Variants in CLCN1 observed in about 807,000 individuals in gnomAD.
The protein encoded by CLCN1 is chloride channel protein 1.
A neutral mutation model predicts 114.5 loss-of-function variants in CLCN1; 100 were observed. The observed-to-expected ratio is 0.87, with a 90% CI of 0.74 to 1.03. The LOEUF is 1.03. Ranked by LOEUF, CLCN1 falls within the 50% of genes least tolerant of loss-of-function variation. The probability of loss-of-function intolerance (pLI) is 0.00; values close to 1 mark genes in which losing one functional copy is unlikely to be tolerated. For missense variants in CLCN1, 1,188 were observed against 1,250.0 expected (o/e 0.95, Z 0.75); for synonymous variants, 485 against 487.1 (o/e 1.00, Z 0.06).
intron 5 of CLCN1, among the ~76,000 whole-genome samples, chr7:143,323,005 A>T (rs1037876304): frequency 2.6e-5 from 4 of 152,018 alleles, no homozygotes; most frequent in African/African-American, 9.7e-5. Flanking sequence ...TCCTCCTGAC[A>T]TCTGCGCGGC....
rs2116864842 is a variant in CLCN1 at position 143,339,309 on chromosome 7, T to C, written c.1458T>C (p.Pro486=). 1 of 1,612,312 alleles carries C rather than the reference T, an allele frequency of 6.2e-7. No individual in the cohort carries two copies. The highest frequency in any genetic ancestry group is 8.5e-7 in the Non-Finnish European group (1 of 1,178,278). The change falls in exon 13 of 23, where the codon CCT becomes CCC. Residue 486 remains proline, a synonymous_variant. Transcript: ENST00000343257. This position sits in a 1 kb window ranked among gnomAD's most constrained non-coding sequence, Gnocchi z 4.1. ...CCATACCCTGCGGAGGCTTCATGCC[T>C]GTGTTTGTGCTAGGTAAGTTCTGAT... ...TMPIPCGGFM[P]VFVLGAAFGR...
In CLCN1 at chr7:143,342,063, C is replaced by A; in HGVS notation, c.1717C>A (p.Leu573Met). The A allele has an allele frequency of 6.2e-7, 1 of 1,614,156 alleles. No homozygotes were observed. The highest frequency in any genetic ancestry group is 8.5e-7 in the Non-Finnish European group (1 of 1,180,024). The change falls in exon 15 of 23, where the codon CTG becomes ATG. Residue 573 changes from leucine to methionine, a missense_variant. By Grantham distance (15) the Leu-to-Met change is conservative. Coordinates refer to ENST00000343257, the MANE Select transcript of CLCN1 (RefSeq NM_000083.3). ...VILANMVAQS[L>M]QPSLYDSIIQ... is the part of the protein sequence containing the mutation. ...CTTGGCCAACATGGTGGCCCAGAGC[C>A]TGCAGCCCTCTCTCTATGACAGCAT...
intron 20 of CLCN1, among the ~76,000 whole-genome samples, chr7:143,349,824 T>C (rs1803348118): frequency 6.6e-6 from 1 of 152,140 alleles, no homozygotes; most frequent in South Asian, 2.1e-4. Context: ...GCAGGAAGTA[T>C]GGCCAATGTC....
chr7:143,340,278 T>C lies in CLCN1; in HGVS notation c.1582+657T>C, dbSNP rs114396689. On this transcript the variant is annotated intron_variant, in intron 14 of 22. Transcript: ENST00000343257. ...CACTTGGTACGCTGCTCCCCTGACATAGTTTCTTTCTAAAAGCCTCTTTCA... is the reference window on the plus strand; with the variant it reads ...CACTTGGTACGCTGCTCCCCTGACACAGTTTCTTTCTAAAAGCCTCTTTCA... 3.7e-3 allele frequency among the ~76,000 whole-genome samples: 568 copies of C among 152,254 alleles called. 5 individuals are homozygous for C. Among genetic ancestry groups the C allele is most frequent in the African/African-American group, 0.013 (554 of 41,544 alleles).
In CLCN1 at chr7:143,342,063, C is replaced by G. The variant is rs757335005; in HGVS notation, c.1717C>G (p.Leu573Val). The G allele has an allele frequency of 4.3e-6, 7 of 1,614,156 alleles. No homozygotes were observed. Among genetic ancestry groups the G allele is most frequent in the Non-Finnish European group, 5.9e-6 (7 of 1,180,024 alleles). ...CTTGGCCAACATGGTGGCCCAGAGCCTGCAGCCCTCTCTCTATGACAGCAT... is the reference window on the plus strand; with the variant it reads ...CTTGGCCAACATGGTGGCCCAGAGCGTGCAGCCCTCTCTCTATGACAGCAT... The part of the protein sequence containing the change: ...VILANMVAQS[L>V]QPSLYDSIIQ... The change falls in exon 15 of 23, where the codon CTG becomes GTG. Residue 573 changes from leucine to valine, a missense_variant. Transcript: ENST00000343257.
intron 7 of CLCN1, 50 bp from the exon 8 acceptor site, chr7:143,330,722 G>C (rs761866474): frequency 6.2e-7 from 1 of 1,612,684 alleles, no homozygotes; most frequent in Non-Finnish European, 8.5e-7. Flanking sequence ...GAGTGTGGGG[G>C]AGCACTTTCA....
rs1300144080 is a variant in CLCN1 at position 143,339,420 on chromosome 7, T to C, written c.1472-91T>C. The C allele has an allele frequency of 7.3e-7, 1 of 1,372,312 alleles. No individual in the cohort carries two copies. The highest frequency in any genetic ancestry group is 1.4e-5 in the African/African-American group (1 of 70,184). 85.0% of individuals were successfully genotyped at this position (1,372,312 alleles called of 1,614,324 possible). A position where few individuals can be genotyped will look rare whatever the true frequency, so the allele number is the denominator to read the frequency against. On this transcript the variant is annotated intron_variant, in intron 13 of 22. Coordinates refer to ENST00000343257, the MANE Select transcript of CLCN1 (RefSeq NM_000083.3). The surrounding 1 kb of genome is among the most constrained non-coding windows in gnomAD (Gnocchi z 4.1). ...CCGGGATGCTGGGAGTTTATATTTGTTCTTAATGCCCAAGGAGAGATTGGT... is the reference window on the plus strand; with the variant it reads ...CCGGGATGCTGGGAGTTTATATTTGCTCTTAATGCCCAAGGAGAGATTGGT...
Position 143,350,716 on chromosome 7 carries a change from C to A in CLCN1, c.2595+62C>A. The stretch of plus-strand genomic sequence containing the variant: ...AGGCTGGGCATAGGATAAGGGGATG[C>A]AGTGGGGACAGAAGGAATATTAGCA... On this transcript the variant is annotated intron_variant, in intron 22 of 22. Transcript: ENST00000343257. The surrounding 1 kb of genome is among the most constrained non-coding windows in gnomAD (Gnocchi z 5.1). 1.7e-6 allele frequency: 2 copies of A among 1,149,362 alleles called. No homozygotes were observed. Among genetic ancestry groups the A allele is most frequent in the Non-Finnish European group, 2.6e-6 (2 of 759,318 alleles). 71.2% of individuals were successfully genotyped at this position (1,149,362 alleles called of 1,614,324 possible). A position where few individuals can be genotyped will look rare whatever the true frequency, so the allele number is the denominator to read the frequency against.
chr7:143,344,908 G>A (rs1307290893), intron 16 of CLCN1, among the ~76,000 whole-genome samples: 2 of 151,876 alleles, frequency 1.3e-5, no homozygotes, highest in African/African-American at 2.4e-5. Context: ...CTGCCACCAC[G>A]CCCAGCTAAT....
intron 5 of CLCN1, among the ~76,000 whole-genome samples, chr7:143,322,671 C>T (rs1289239502): frequency 1.3e-5 from 2 of 152,168 alleles, no homozygotes; most frequent in African/African-American, 4.8e-5. Flanking sequence ...TGCAGGCACA[C>T]GCCACCACAT....
intron 20 of CLCN1, among the ~76,000 whole-genome samples, chr7:143,349,917 G>A (rs569505939): frequency 2.0e-5 from 3 of 152,316 alleles, no homozygotes; most frequent in Non-Finnish European, 2.9e-5. Flanking sequence ...CAGGAAATAC[G>A]TACACTGCAG....
At chr7:143,345,384 G>T in intron 16 of CLCN1, 137 bp from the exon 17 acceptor site, 1 of 1,145,892 alleles carries the variant, frequency 8.7e-7, no homozygotes, top group Non-Finnish European at 1.2e-6. Context: ...TTCTTAAAAT[G>T]AGTTTCCAGG....
Position 143,324,607 on chromosome 7 carries a change from C to A in CLCN1, c.853+115C>A. The A allele has an allele frequency of 1.2e-6, 1 of 802,166 alleles. No individual in the cohort carries two copies. The highest frequency in any genetic ancestry group is 1.4e-5 in the South Asian group (1 of 70,498). 49.7% of individuals were successfully genotyped at this position (802,166 alleles called of 1,614,324 possible). ...CCAGGTTACTTACGAGAATAGCTGACTTTTAGTAAGCCTTTGCTATGTGCC... is the reference window on the plus strand; with the variant it reads ...CCAGGTTACTTACGAGAATAGCTGAATTTTAGTAAGCCTTTGCTATGTGCC... On this transcript the variant is annotated intron_variant, in intron 7 of 22. Coordinates refer to ENST00000343257, the MANE Select transcript of CLCN1 (RefSeq NM_000083.3). This position sits in a 1 kb window ranked among gnomAD's most constrained non-coding sequence, Gnocchi z 4.6.
Position 143,343,439 on chromosome 7 carries a change from C to A in CLCN1, c.1930+934C>A, listed in dbSNP as rs201989733. Among the ~76,000 whole-genome samples, 5 of 152,310 alleles carry A rather than the reference C, an allele frequency of 3.3e-5. No homozygotes were observed. The East Asian group carries it at 9.6e-4, about 29-fold the overall frequency. On this transcript the variant is annotated intron_variant, in intron 16 of 22. Transcript: ENST00000343257. ...ACAGCACTGCTTTGTTCAACTTCAG[C>A]TGGGAACAGGGACATGGGACAACTA...
rs531401597 is a variant in CLCN1 at position 143,337,919 on chromosome 7, C to T, written c.1402-1334C>T. Among the ~76,000 whole-genome samples the T allele has an allele frequency of 6.8e-4, 97 of 142,494 alleles. 1 individual carries two copies. Among genetic ancestry groups the T allele is most frequent in the African/African-American group, 2.3e-3 (90 of 39,152 alleles). 93.5% of individuals were successfully genotyped at this position (142,494 alleles called of 152,430 possible). ...TCAGCTCACTGCAAGCTCCAACTCCCGGGTTCACGCCATTCTCCTGCCTCA... is the reference window on the plus strand; with the variant it reads ...TCAGCTCACTGCAAGCTCCAACTCCTGGGTTCACGCCATTCTCCTGCCTCA... On this transcript the variant is annotated intron_variant, in intron 12 of 22. Transcript: ENST00000343257.
At position 143,323,338 on chromosome 7, in the gene CLCN1, T is replaced by A. The variant is rs757481015; in HGVS notation, c.726T>A (p.Cys242Ter). The A allele has an allele frequency of 1.2e-5, 20 of 1,613,372 alleles. 1 individual carries two copies. In the South Asian group the frequency reaches 2.2e-4, roughly 18 times the overall value. ...EGPFVHIASI[C>*]AAVLSKFMSV... is the part of the protein sequence containing the mutation. ...CCTTCGTCCACATTGCCAGCATCTG[T>A]GCTGCTGTCCTCAGCAAATTCATGT... is the stretch of plus-strand genomic sequence containing the variant. Residue 242 changes from cysteine to a stop codon, truncating the protein, a stop_gained, in exon 6 of 23, where the codon TGT (cysteine) becomes TGA (stop). Transcript: ENST00000343257. LOFTEE classifies it high-confidence loss of function.
chr7:143,346,600 A>C lies in CLCN1; in HGVS notation c.2306A>C (p.Gln769Pro). The stretch of plus-strand genomic sequence containing the variant: ...TCAGGTCAAAGACCCTCCATCTTCC[A>C]GTCCCTGCTTCACTGCTTGCTGGGC... ...EPAGQRPSIF[Q>P]SLLHCLLGRA... The change falls in exon 19 of 23, where the codon CAG becomes CCG. Residue 769 changes from glutamine to proline, a missense_variant. Physicochemically the swap from Gln to Pro is moderately conservative, Grantham distance 76. Coordinates refer to ENST00000343257, the MANE Select transcript of CLCN1 (RefSeq NM_000083.3). The C allele has an allele frequency of 6.2e-7, 1 of 1,613,894 alleles. No individual in the cohort carries two copies. The highest frequency in any genetic ancestry group is 8.5e-7 in the Non-Finnish European group (1 of 1,179,882).
rs775333783 is a variant in CLCN1 at position 143,342,513 on chromosome 7, G to A, written c.1930+8G>A. On this transcript the variant is annotated splice_region_variant and intron_variant, in intron 16 of 22. Transcript: ENST00000343257. ...CACTGGTTGACTCAAAAGGTCAGTG[G>A]GGAGGAAGAAGTCGACTCCAGAGCT... 3.1e-6 allele frequency: 5 copies of A among 1,613,956 alleles called. No individual in the cohort carries two copies. The African/African-American group carries it at 5.3e-5, about 17-fold the overall frequency.
chr7:143,323,650 A>C, intron 6 of CLCN1: 1 of 626,978 alleles, frequency 1.6e-6, no homozygotes, highest in Non-Finnish European at 3.1e-6. Flanking sequence ...GTCTGCTCCC[A>C]TGCTCTCCCT....
Sources: allele counts gnomAD v4.1 joint callset (sites outside exome capture counted in the v4.1 genomes callset), GRCh38; gene constraint gnomAD v4.1.1; non-coding constraint Gnocchi (gnomAD v3.1); transcripts MANE v1.5; gene names NCBI Gene and HGNC (gene_info 2026-07-23, HGNC 2026-07-21).